The following VWF variants were observed in gnomAD, a reference collection of about 807,000 sequenced individuals.
The protein encoded by VWF is Factor VIII related antigen.
A neutral mutation model predicts 308.6 loss-of-function variants in VWF; 176 were observed. That is an observed-to-expected ratio of 0.57 (90% CI 0.50 to 0.65). The LOEUF (loss-of-function observed/expected upper bound fraction) is 0.65, where lower values mean the gene tolerates loss of function less well. VWF is among the 30% of genes least tolerant of loss of function. The pLI is 0.00. For missense variants in VWF, 3,146 were observed against 3,648.2 expected, an observed-to-expected ratio of 0.86 and a Z score of 3.55; for synonymous variants, 1,385 against 1,443.4, an observed-to-expected ratio of 0.96 and a Z score of 0.92.
rs1555073700 is a variant in VWF, at chr12:6,092,614, T to TGAGAGAGAGAGAGAGAGA, written c.657+2845_657+2846insTCTCTCTCTCTCTCTCTC. Among the ~76,000 whole-genome samples the TGAGAGAGAGAGAGAGAGA allele has an allele frequency of 3.1e-3, 268 of 86,064 alleles. 16 individuals are homozygous for TGAGAGAGAGAGAGAGAGA. Among genetic ancestry groups the TGAGAGAGAGAGAGAGAGA allele is most frequent in the African/African-American group, 0.012 (209 of 17,250 alleles). The allele number at this position is 86,064 out of a possible 152,430, so 56.5% of individuals were successfully genotyped here. A position where few individuals can be genotyped will look rare whatever the true frequency, so the allele number is the denominator to read the frequency against. Reference sequence around the variant, plus strand: ...CATGCCCAGCTAGTTAGTGAGTGAGTGAGAGTGTGTGTGTGTGTGTGTGTG... The same window carrying TGAGAGAGAGAGAGAGAGA: ...CATGCCCAGCTAGTTAGTGAGTGAGTGAGAGAGAGAGAGAGAGAGAGAGTGTGTGTGTGTGTGTGTGTG... On this transcript the variant is annotated intron_variant, in intron 6 of 51. Transcript: ENST00000261405.
intron 35 of VWF, 81 bp from the exon 36 acceptor site, chr12:5,994,688 G>T: frequency 7.8e-7 from 1 of 1,286,640 alleles, no homozygotes; most frequent in Non-Finnish European, 1.1e-6. Flanking sequence ...GAGAGTTCCT[G>T]CACATTCATC....
chr12:6,031,096 A>G (rs1175945811), intron 21 of VWF, among the ~76,000 whole-genome samples: 2 of 143,050 alleles, frequency 1.4e-5, no homozygotes, highest in African/African-American at 5.3e-5. Flanking sequence ...TAACATCATC[A>G]CTTCATACAC....
At chr12:5,998,593 T>C (rs1359603893) in intron 34 of VWF, among the ~76,000 whole-genome samples, 2 of 121,982 alleles carry the variant, frequency 1.6e-5, no homozygotes, top group Admixed American at 8.6e-5. Context: ...ACAAGGCAAA[T>C]AAATATGTAG....
chr12:5,976,022 A>AC, intron 43 of VWF, 89 bp downstream of exon 43: 1 of 1,588,356 alleles, frequency 6.3e-7, no homozygotes, highest in Non-Finnish European at 8.6e-7. Context: ...TTTCAAAAAA[A>AC]AAAGAACCTT....
At chr12:5,957,918 T>C (rs1179792175) in intron 47 of VWF, among the ~76,000 whole-genome samples, 2 of 152,198 alleles carry the variant, frequency 1.3e-5, no homozygotes, top group African/African-American at 4.8e-5. Context: ...CAATACCTTG[T>C]GGAATTTCTC....
At position 5,985,089 on chromosome 12, in the gene VWF, C is replaced by T. The variant is rs267607357; in HGVS notation, c.6932G>A (p.Arg2311His). The T allele has an allele frequency of 2.6e-5, 42 of 1,614,172 alleles. No homozygotes were observed. The highest frequency in any genetic ancestry group is 4.4e-5 in the South Asian group (4 of 91,086). The change falls in exon 40 of 52, where the codon CGC becomes CAC. Residue 2311 changes from arginine to histidine, a missense_variant. Arg to His is a conservative substitution (Grantham distance 29). Transcript: ENST00000261405. ...GCACTGGTCTGCATTCTGGCGGAGGCGGGCTACTTCACACAGGCCACACGT... is the reference window on the plus strand; with the variant it reads ...GCACTGGTCTGCATTCTGGCGGAGGTGGGCTACTTCACACAGGCCACACGT... ...APTCGLCEVA[R>H]LRQNADQCCP...
chr12:6,109,689 C>T (rs193140651), intron 5 of VWF, among the ~76,000 whole-genome samples: 5 of 152,090 alleles, frequency 3.3e-5, no homozygotes, highest in East Asian at 3.9e-4. Flanking sequence ...CTCGCTCTGT[C>T]GCCCAGGCTG....
Position 6,103,333 on chromosome 12 carries a change from T to A in VWF, c.532+7041A>T, listed in dbSNP as rs569054707. Among the ~76,000 whole-genome samples, 363 of 149,474 alleles carry A rather than the reference T, an allele frequency of 2.4e-3. 3 individuals carry two copies. The highest frequency in any genetic ancestry group is 0.021 in the South Asian group (101 of 4,748). ...CAGAGCGAGACTCCGTCTCAAAAAATATATATATATATGTGTGTATATATA... is the reference window on the plus strand; with the variant it reads ...CAGAGCGAGACTCCGTCTCAAAAAAAATATATATATATGTGTGTATATATA... On this transcript the variant is annotated intron_variant, in intron 5 of 51. Transcript: ENST00000261405.
At chr12:6,012,233 A>G (rs980890111) in intron 32 of VWF, 103 bp from the exon 33 acceptor site, 155 of 1,234,122 alleles carry the variant, frequency 1.3e-4, no homozygotes, top group Non-Finnish European at 1.7e-4. Flanking sequence ...TTTGAAGTCA[A>G]CTCAACTCTG....
intron 11 of VWF, among the ~76,000 whole-genome samples, chr12:6,064,934 C>T (rs1480652179): frequency 6.6e-6 from 1 of 152,188 alleles, no homozygotes; most frequent in Non-Finnish European, 1.5e-5. Context: ...ATTGTCAGGG[C>T]AGGATGCCTT....
At chr12:6,108,587 T>TAA (rs1193581616) in intron 5 of VWF, among the ~76,000 whole-genome samples, 14 of 120,302 alleles carry the variant, frequency 1.2e-4, no homozygotes, top group Middle Eastern at 4.5e-3. Flanking sequence ...AGAACACTTG[T>TAA]AAAAAAAAAA....
intron 47 of VWF, among the ~76,000 whole-genome samples, chr12:5,957,453 G>C (rs1943264066): frequency 6.6e-6 from 1 of 152,018 alleles, no homozygotes; most frequent in Non-Finnish European, 1.5e-5. Context: ...GAAAAGGTAG[G>C]AAGAAAATTA....
Position 6,044,567 on chromosome 12 carries a change from C to T in VWF, c.2282-116G>A, listed in dbSNP as rs1317257594. On this transcript the variant is annotated intron_variant, in intron 17 of 51. Coordinates refer to ENST00000261405, the MANE Select transcript of VWF (RefSeq NM_000552.5). The stretch of plus-strand genomic sequence containing the variant: ...TAAATTCAAGAGACTCAGAGTTGCC[C>T]ACTCACGGGGACCAGCAGCTGCCTG... 30 of 1,351,766 alleles carry T rather than the reference C, an allele frequency of 2.2e-5. No homozygotes were observed. In the East Asian group the frequency reaches 2.3e-4, roughly 10 times the overall value. 83.7% of individuals were successfully genotyped at this position (1,351,766 alleles called of 1,614,324 possible).
chr12:6,113,104 T>C (rs540428585), intron 3 of VWF, among the ~76,000 whole-genome samples: 8 of 152,188 alleles, frequency 5.3e-5, no homozygotes, highest in African/African-American at 1.9e-4. Context: ...TCAACACAAC[T>C]GGGAGAAAAT....
chr12:6,116,158 C>T (rs1390058230), intron 3 of VWF, among the ~76,000 whole-genome samples: 1 of 152,182 alleles, frequency 6.6e-6, no homozygotes, highest in Non-Finnish European at 1.5e-5. Flanking sequence ...ACTCCACAGA[C>T]CTCCAGGTTA....
In VWF at chr12:5,967,585, C is replaced by T; in HGVS notation, c.7788G>A (p.Met2596Ile). Residue 2596 changes from methionine to isoleucine, a missense_variant, in exon 47 of 52, where the codon ATG becomes ATA. By Grantham distance (10) the Met-to-Ile change is conservative. Transcript: ENST00000261405. ...AGCGGCAGGTCGTGCACACATCGAT[C>T]ATCACAGTCTTCCCGGGCTGGAAGC... ...GTVIGPGKTV[M>I]IDVCTTCRCM... 1 of 1,613,958 alleles carries T rather than the reference C, an allele frequency of 6.2e-7. No individual in the cohort carries two copies. Among genetic ancestry groups the T allele is most frequent in the Non-Finnish European group, 8.5e-7 (1 of 1,180,012 alleles).
At chr12:6,054,079 T>C (rs552486616) in intron 15 of VWF, among the ~76,000 whole-genome samples, 15 of 152,274 alleles carry the variant, frequency 9.9e-5, no homozygotes, top group African/African-American at 3.6e-4. Context: ...CCTTCCCCTC[T>C]CTGTTCAAAT....
chr12:6,045,452 A>C (rs562618812), intron 17 of VWF, among the ~76,000 whole-genome samples: 2 of 152,376 alleles, frequency 1.3e-5, no homozygotes, highest in East Asian at 1.9e-4. Context: ...TCTGAGCAGA[A>C]GCACGGAAGG....
intron 42 of VWF, among the ~76,000 whole-genome samples, chr12:5,980,587 G>A (rs149548397): frequency 0.012 from 1,853 of 152,316 alleles, 22 homozygotes; most frequent in Middle Eastern, 0.02. Context: ...CAGCAAGGCA[G>A]GAGGGGTGGG....
Sources: gnomAD v4.1 joint callset for allele counts (sites outside exome capture counted in the v4.1 genomes callset) on GRCh38, gnomAD v4.1.1 for gene constraint, MANE v1.5 for transcripts, NCBI Gene and HGNC (gene_info 2026-07-23, HGNC 2026-07-21) for gene names.